The following UBALD1 variants were observed in gnomAD, a reference collection of about 807,000 sequenced individuals.
UBALD1 encodes UBA like domain containing 1.
In UBALD1, 5 loss-of-function variants were observed where a neutral mutation model predicts 16.1. The ratio of observed to expected loss-of-function variants is 0.31; its 90% CI spans 0.16 to 0.66. The LOEUF (loss-of-function observed/expected upper bound fraction) is 0.66, where lower values mean the gene tolerates loss of function less well. Ranked by LOEUF, UBALD1 falls within the 30% of genes least tolerant of loss-of-function variation. The pLI, the probability that UBALD1 is intolerant of heterozygous loss-of-function variation, is 0.77. For synonymous variants in UBALD1, 146 were observed against 105.3 expected, an observed-to-expected ratio of 1.39 and a Z score of -2.37; for missense variants, 220 against 252.8, an observed-to-expected ratio of 0.87 and a Z score of 0.88.
At chr16:4,610,290 C>T in intron 2 of UBALD1, 1 of 714,194 alleles carries the variant, frequency 1.4e-6, no homozygotes, top group Non-Finnish European at 2.5e-6. Flanking sequence ...AGGCCAGCGC[C>T]CCCCAGGTCT....
chr16:4,612,304 C>T (rs956643104), intron 1 of UBALD1, among the ~76,000 whole-genome samples: 2 of 152,090 alleles, frequency 1.3e-5, no homozygotes, highest in African/African-American at 2.4e-5. Context: ...CCTCATGATC[C>T]GCCCACCTTG....
intron 1 of UBALD1, 164 bp downstream of exon 1, chr16:4,614,514 G>A: frequency 8.3e-7 from 1 of 1,207,082 alleles, no homozygotes; most frequent in Non-Finnish European, 1.1e-6. Context: ...GCGAGCCCTT[G>A]GGATCCGGAC....
At chr16:4,613,183 A>C (rs533049255) in intron 1 of UBALD1, among the ~76,000 whole-genome samples, 1 of 152,180 alleles carries the variant, frequency 6.6e-6, no homozygotes, top group East Asian at 1.9e-4. Flanking sequence ...CCTGACACAA[A>C]CAGGGCTGAT....
At chr16:4,612,500 T>C (rs1182108030) in intron 1 of UBALD1, among the ~76,000 whole-genome samples, 2 of 152,084 alleles carry the variant, frequency 1.3e-5, no homozygotes. Flanking sequence ...CAAGACCCTC[T>C]GTCAGCAGCA....
intron 1 of UBALD1, among the ~76,000 whole-genome samples, chr16:4,613,391 C>T (rs931489382): frequency 6.6e-6 from 1 of 152,142 alleles, no homozygotes; most frequent in Admixed American, 6.5e-5. Flanking sequence ...CAGTGGCCTC[C>T]GCGACGGCTG....
chr16:4,610,009 G>C (rs180916700), intron 2 of UBALD1, 26 bp from the exon 3 acceptor site: 29,212 of 1,524,614 alleles, frequency 0.019, 369 homozygotes, highest in South Asian at 0.035. Context: ...AGGAGAGATG[G>C]GGTGAGCACC....
intron 2 of UBALD1, 48 bp downstream of exon 2, chr16:4,610,445 C>G: frequency 6.4e-7 from 1 of 1,556,494 alleles, no homozygotes. Flanking sequence ...AGAACTAGCT[C>G]GGCCTCCTTC....
chr16:4,610,183 C>T, intron 2 of UBALD1, 200 bp from the exon 3 acceptor site: 1 of 716,420 alleles, frequency 1.4e-6, no homozygotes. Flanking sequence ...TCTCAGGAGC[C>T]CACGGTGCCT....
chr16:4,614,175 G>A (rs1457622751), intron 1 of UBALD1: 3 of 249,624 alleles, frequency 1.2e-5, no homozygotes, highest in Non-Finnish European at 2.3e-5. Flanking sequence ...CACCTCCCCG[G>A]TGCCCGGCCG....
intron 1 of UBALD1, chr16:4,614,334 C>CA (rs1897395379): frequency 2.7e-6 from 1 of 367,214 alleles, no homozygotes; most frequent in Admixed American, 4.6e-5. Flanking sequence ...GGGGCGTCCT[C>CA]CTTCCGGCCG....
chr16:4,611,668 C>T (rs530243999), intron 1 of UBALD1: 52 of 152,950 alleles, frequency 3.4e-4, no homozygotes, highest in African/African-American at 1.2e-3. Flanking sequence ...CAGAGCGAGC[C>T]TGGAGCCCTT....
In UBALD1 at chr16:4,609,550, A is replaced by G. The variant is rs1418063246; in HGVS notation, c.*83T>C. The G allele has an allele frequency of 1.7e-6, 1 of 572,422 alleles. No homozygotes were observed. The highest frequency in any genetic ancestry group is 3.9e-5 in the Admixed American group (1 of 25,612). 35.5% of individuals were successfully genotyped at this position (572,422 alleles called of 1,614,324 possible). A position where few individuals can be genotyped will look rare whatever the true frequency, so the allele number is the denominator to read the frequency against. ...TCCGGGGAACAAGGGGTGCAGACAG[A>G]AAAGGGGTGAAGGGGGCCCGCAGAG... On this transcript the variant is annotated 3_prime_UTR_variant, in exon 3 of 3. Coordinates refer to ENST00000283474, the MANE Select transcript of UBALD1 (RefSeq NM_145253.3).
At chr16:4,611,827 C>T (rs58814219) in intron 1 of UBALD1, among the ~76,000 whole-genome samples, 6,402 of 152,216 alleles carry the variant, frequency 0.042, 433 homozygotes, top group African/African-American at 0.14. Context: ...GCTGCTCTTG[C>T]GCAAGGGCCA....
In UBALD1 at chr16:4,614,840, C is replaced by T. The variant is rs1897407266; in HGVS notation, c.-43G>A. 3 of 1,450,556 alleles carry T rather than the reference C, an allele frequency of 2.1e-6. No homozygotes were observed. The highest frequency in any genetic ancestry group is 2.9e-5 in the South Asian group (2 of 69,230). 89.9% of individuals were successfully genotyped at this position (1,450,556 alleles called of 1,614,324 possible). A position where few individuals can be genotyped will look rare whatever the true frequency, so the allele number is the denominator to read the frequency against. Reference sequence around the variant, plus strand: ...CGCTCCGGCCTCCCTCCTCCGCCCGCGCCTCCGCCTCACGCGTCCACCATT... The same window carrying T: ...CGCTCCGGCCTCCCTCCTCCGCCCGTGCCTCCGCCTCACGCGTCCACCATT... On this transcript the variant is annotated 5_prime_UTR_variant, in exon 1 of 3. Coordinates refer to ENST00000283474, the MANE Select transcript of UBALD1 (RefSeq NM_145253.3).
chr16:4,610,554 G>C lies in UBALD1; in HGVS notation c.122C>G (p.Thr41Arg). Reference protein sequence around the residue: ...LLQAAHWQFETALSAFFQETN... With the variant: ...LLQAAHWQFERALSAFFQETN... ...CTCCTGGAAAAAGGCGCTGAGGGCT[G>C]TCTGCAGGAAGAAAGGCCCCTGCTC... Residue 41 changes from threonine to arginine, a missense_variant and splice_region_variant, in exon 2 of 3, where the codon ACA becomes AGA. Physicochemically the swap from Thr to Arg is moderately conservative, Grantham distance 71 (BLOSUM62 -1). Transcript: ENST00000283474. 6.2e-7 allele frequency: 1 copy of C among 1,611,420 alleles called. No homozygotes were observed. Among genetic ancestry groups the C allele is most frequent in the Non-Finnish European group, 8.5e-7 (1 of 1,179,160 alleles).
In UBALD1 at chr16:4,609,441, C is replaced by T. The variant is rs376614137; in HGVS notation, c.*192G>A. 1.2e-5 allele frequency: 5 copies of T among 405,782 alleles called. No homozygotes were observed. In the East Asian group the frequency reaches 1.4e-4, roughly 12 times the overall value. The allele number at this position is 405,782 out of a possible 1,614,324, so 25.1% of individuals were successfully genotyped here. A position where few individuals can be genotyped will look rare whatever the true frequency, so the allele number is the denominator to read the frequency against. On this transcript the variant is annotated 3_prime_UTR_variant, in exon 3 of 3. Coordinates refer to ENST00000283474, the MANE Select transcript of UBALD1 (RefSeq NM_145253.3). Reference sequence around the variant, plus strand: ...CTCCATGTGCCGGGGCCGCTGGGGCCATGACCTTGCGTGTGGGCAGCTGCG... The same window carrying T: ...CTCCATGTGCCGGGGCCGCTGGGGCTATGACCTTGCGTGTGGGCAGCTGCG...
At position 4,609,293 on chromosome 16, in the gene UBALD1, A is replaced by C; in HGVS notation, c.*340T>G. On this transcript the variant is annotated 3_prime_UTR_variant, in exon 3 of 3. Transcript: ENST00000283474. The stretch of plus-strand genomic sequence containing the variant: ...AAGGAGCTCCAAGCCAGGGATCAGC[A>C]ATGTCTCTGCCAGGGTGGTCCTCCA... 4.3e-6 allele frequency: 1 copy of C among 230,216 alleles called. No homozygotes were observed. The highest frequency in any genetic ancestry group is 5.8e-5 in the Admixed American group (1 of 17,362). The allele number at this position is 230,216 out of a possible 1,614,324, so 14.3% of individuals were successfully genotyped here.
At chr16:4,613,012 TGCCA>T (rs1897376754) in intron 1 of UBALD1, among the ~76,000 whole-genome samples, 1 of 23,306 alleles carries the variant, frequency 4.3e-5, no homozygotes, top group Non-Finnish European at 3.9e-4. Flanking sequence ...GTGGCCTGGG[TGCCA>T]GCTGGGTGCC....
chr16:4,614,506 G>C lies in UBALD1; in HGVS notation c.120+172C>G, dbSNP rs1339664995. 2.6e-6 allele frequency: 3 copies of C among 1,150,244 alleles called. No homozygotes were observed. In the African/African-American group the frequency reaches 4.8e-5, roughly 18 times the overall value. The allele number at this position is 1,150,244 out of a possible 1,614,324, so 71.3% of individuals were successfully genotyped here. On this transcript the variant is annotated intron_variant, in intron 1 of 2. Coordinates refer to ENST00000283474, the MANE Select transcript of UBALD1 (RefSeq NM_145253.3). ...CCCGGTTCCCACCTCCGCCCGCCGC[G>C]AGCCCTTGGGATCCGGACGCCGGGC...
Sources: allele counts gnomAD v4.1 joint callset (sites outside exome capture counted in the v4.1 genomes callset), GRCh38; gene constraint gnomAD v4.1.1; transcripts MANE v1.5; gene names NCBI Gene and HGNC (gene_info 2026-07-23, HGNC 2026-07-21).